LRRFIP1: variants seen among roughly 807,000 people sequenced by gnomAD.
The protein encoded by LRRFIP1 is LRR binding FLII interacting protein 1.
A neutral mutation model predicts 104.4 loss-of-function variants in LRRFIP1; 62 were observed. That is an observed-to-expected ratio of 0.59 (90% CI 0.48 to 0.73). The LOEUF (loss-of-function observed/expected upper bound fraction) is 0.73. LRRFIP1 is among the 30% of genes least tolerant of loss of function. LRRFIP1 has a pLI of 0.00. For synonymous variants in LRRFIP1, 300 were observed against 299.0 expected (o/e 1.00, Z -0.03); for missense variants, 796 against 824.5 (o/e 0.97, Z 0.42).
At chr2:237,677,547 T>G (rs1575399251) in intron 1 of LRRFIP1, among the ~76,000 whole-genome samples, 1 of 152,172 alleles carries the variant, frequency 6.6e-6, no homozygotes, top group African/African-American at 2.4e-5. Flanking sequence ...ACCCTAGCAC[T>G]TTGAGAGGTC....
intron 11 of LRRFIP1, among the ~76,000 whole-genome samples, chr2:237,741,697 G>A (rs913292034): frequency 2.0e-5 from 3 of 151,854 alleles, no homozygotes; most frequent in South Asian, 2.1e-4. Context: ...GTGTAGTGGC[G>A]CATGCCTGTA....
chr2:237,699,448 G>T (rs948590684), intron 1 of LRRFIP1, among the ~76,000 whole-genome samples: 5 of 151,538 alleles, frequency 3.3e-5, no homozygotes, highest in Non-Finnish European at 5.9e-5. Context: ...CGCCTCCCGG[G>T]TTCAAGTGAT....
intron 19 of LRRFIP1, chr2:237,768,147 C>G (rs1454617696): frequency 6.6e-6 from 1 of 152,154 alleles, no homozygotes. Context: ...AACTAGTACT[C>G]TTTATTTTCT....
intron 14 of LRRFIP1, among the ~76,000 whole-genome samples, chr2:237,751,693 G>T (rs1053384431): frequency 6.6e-6 from 1 of 152,206 alleles, no homozygotes; most frequent in Non-Finnish European, 1.5e-5. Context: ...TAATAAGGCC[G>T]TCCTCACATG....
chr2:237,742,744 G>A (rs545029485), intron 11 of LRRFIP1, among the ~76,000 whole-genome samples: 2 of 152,210 alleles, frequency 1.3e-5, no homozygotes, highest in Non-Finnish European at 2.9e-5. Flanking sequence ...AGGAGAGCCT[G>A]GATAGGACTC....
At chr2:237,765,848 A>G (rs1218749897) in intron 19 of LRRFIP1, 1 of 976,212 alleles carries the variant, frequency 1.0e-6, no homozygotes, top group East Asian at 1.1e-4. Context: ...AAAGACCAAA[A>G]CCTCAATAAA....
At chr2:237,646,897 G>T (rs868414876) in intron 1 of LRRFIP1, among the ~76,000 whole-genome samples, 1 of 152,030 alleles carries the variant, frequency 6.6e-6, no homozygotes, top group South Asian at 2.1e-4. Flanking sequence ...GAGACAGGCA[G>T]ATACTATCAT....
chr2:237,774,629 G>A (rs1010517501), intron 23 of LRRFIP1, among the ~76,000 whole-genome samples, 167 bp downstream of exon 23: 2 of 152,222 alleles, frequency 1.3e-5, no homozygotes, highest in Admixed American at 6.5e-5. Flanking sequence ...AAGGCATGGC[G>A]CAGCCAGTTA....
At chr2:237,632,044 G>A (rs116060243) in intron 1 of LRRFIP1, among the ~76,000 whole-genome samples, 1,574 of 152,322 alleles carry the variant, frequency 0.01, 28 homozygotes, top group African/African-American at 0.035. Context: ...GTGGGCCTGC[G>A]GGTGCTGTTG....
chr2:237,749,096 G>T, intron 12 of LRRFIP1, 103 bp from the exon 13 acceptor site: 1 of 1,249,618 alleles, frequency 8.0e-7, no homozygotes, highest in Admixed American at 2.5e-5. Flanking sequence ...CACCAGGGCC[G>T]TCCCTCATCT....
intron 1 of LRRFIP1, among the ~76,000 whole-genome samples, chr2:237,679,462 T>C (rs560849413): frequency 8.5e-5 from 13 of 152,210 alleles, no homozygotes; most frequent in Admixed American, 3.9e-4. Context: ...AAATCAGCAA[T>C]ATAACTACTG....
intron 9 of LRRFIP1, among the ~76,000 whole-genome samples, chr2:237,734,273 C>CTTTTTTTTTTT (rs71870330): frequency 2.2e-5 from 2 of 90,218 alleles, no homozygotes; most frequent in Non-Finnish European, 3.9e-5. Flanking sequence ...TGTTAATAAC[C>CTTTTTTTTTTT]TTTTTTTTTT....
intron 10 of LRRFIP1, among the ~76,000 whole-genome samples, chr2:237,736,381 A>G (rs2095248510): frequency 6.6e-6 from 1 of 152,240 alleles, no homozygotes; most frequent in Admixed American, 6.5e-5. Context: ...TAGAAAGCTC[A>G]TAAACCATGC....
Position 237,649,612 on chromosome 2 carries a change from G to C in LRRFIP1, c.96+21872G>C, listed in dbSNP as rs562841221. Among the ~76,000 whole-genome samples, 5 of 152,104 alleles carry C rather than the reference G, an allele frequency of 3.3e-5. No homozygotes were observed. Among genetic ancestry groups the C allele is most frequent in the Admixed American group, 6.5e-5 (1 of 15,294 alleles). On this transcript the variant is annotated intron_variant, in intron 1 of 23. Transcript: ENST00000308482. This position sits in a 1 kb window ranked among gnomAD's most constrained non-coding sequence, Gnocchi z 4.1. Reference sequence around the variant, plus strand: ...CCAATATAACTTTCACAGGTGTTTTGTTTTTCTGAGAAGAAGGTGACTTTT... The same window carrying C: ...CCAATATAACTTTCACAGGTGTTTTCTTTTTCTGAGAAGAAGGTGACTTTT...
chr2:237,701,605 G>A (rs1266097203), intron 1 of LRRFIP1, among the ~76,000 whole-genome samples: 1 of 152,208 alleles, frequency 6.6e-6, no homozygotes, highest in African/African-American at 2.4e-5. Flanking sequence ...ATTATCTTTG[G>A]GTGACTGTCT....
rs1336233779 is a variant in LRRFIP1, at chr2:237,627,594, C to T, written c.-51C>T. On this transcript the variant is annotated 5_prime_UTR_variant, in exon 1 of 24. Transcript: ENST00000308482. Reference sequence around the variant, plus strand: ...CGGGGCCGGGGCCGGGCCGGGGCGGCGCGAGCGGCTGGAGCAACGGGCCCC... The same window carrying T: ...CGGGGCCGGGGCCGGGCCGGGGCGGTGCGAGCGGCTGGAGCAACGGGCCCC... 4.6e-6 allele frequency: 5 copies of T among 1,092,080 alleles called. No homozygotes were observed. The African/African-American group carries it at 5.0e-5, about 11-fold the overall frequency. 67.6% of individuals were successfully genotyped at this position (1,092,080 alleles called of 1,614,324 possible).
Position 237,649,778 on chromosome 2 carries a change from T to C in LRRFIP1, c.96+22038T>C, listed in dbSNP as rs1278331175. Among the ~76,000 whole-genome samples the C allele has an allele frequency of 6.6e-6, 1 of 151,958 alleles. No homozygotes were observed. The highest frequency in any genetic ancestry group is 1.5e-5 in the Non-Finnish European group (1 of 67,932). ...AGTGTTGTTCAGGCCTCACCAGTCC[T>C]TGGTCATGCCACCCGGGCTGAGTTC... On this transcript the variant is annotated intron_variant, in intron 1 of 23. Transcript: ENST00000308482. This position sits in a 1 kb window ranked among gnomAD's most constrained non-coding sequence, Gnocchi z 4.1.
chr2:237,762,435 G>A (rs1346745297), intron 19 of LRRFIP1, among the ~76,000 whole-genome samples: 1 of 152,224 alleles, frequency 6.6e-6, no homozygotes, highest in Admixed American at 6.5e-5. Flanking sequence ...TAATGCAACT[G>A]CTGCTTTGCC....
intron 1 of LRRFIP1, among the ~76,000 whole-genome samples, chr2:237,696,779 A>G (rs1011228937): frequency 5.9e-5 from 9 of 152,222 alleles, no homozygotes; most frequent in African/African-American, 2.2e-4. Context: ...TAAATGTGCA[A>G]GATATAGCTG....
Sources: gnomAD v4.1 joint callset for allele counts (sites outside exome capture counted in the v4.1 genomes callset) on GRCh38, gnomAD v4.1.1 for gene constraint, Gnocchi (gnomAD v3.1) non-coding constraint, MANE v1.5 for transcripts, NCBI Gene and HGNC (gene_info 2026-07-23, HGNC 2026-07-21) for gene names.